The following LSAMP variants were observed in gnomAD, a reference collection of about 807,000 sequenced individuals.
LSAMP encodes the protein limbic system associated membrane protein.
LSAMP carries 7 observed loss-of-function variants against 38.6 expected under a neutral mutation model. The ratio of observed to expected loss-of-function variants is 0.18; its 90% CI spans 0.10 to 0.34. The LOEUF (loss-of-function observed/expected upper bound fraction) is 0.34. LSAMP is among the 10% of genes least tolerant of loss of function. The probability of loss-of-function intolerance (pLI) is 1.00; values close to 1 mark genes in which losing one functional copy is unlikely to be tolerated. For synonymous variants in LSAMP, 154 were observed against 166.8 expected (o/e 0.92, Z 0.59); for missense variants, 313 against 420.0 (o/e 0.75, Z 2.23).
At position 115,806,048 on chromosome 3, in the gene LSAMP, G is replaced by T. The variant is rs1933622663; in HGVS notation, c.*4269C>A. ...TACATTTCTCTTAAAAAATGATATT[G>T]GTAACCAAGACTAAATGCAGGCTAA... On this transcript the variant is annotated 3_prime_UTR_variant, in exon 7 of 7. Transcript: ENST00000490035. The T allele has an allele frequency of 6.6e-6, 1 of 152,008 alleles. No individual in the cohort carries two copies. Among genetic ancestry groups the T allele is most frequent in the African/African-American group, 2.4e-5 (1 of 41,380 alleles). The allele number at this position is 152,008 out of a possible 1,614,324, so 9.4% of individuals were successfully genotyped here.
At chr3:116,144,578 T>G (rs1417060378) in intron 1 of LSAMP, among the ~76,000 whole-genome samples, 1 of 148,384 alleles carries the variant, frequency 6.7e-6, no homozygotes, top group Non-Finnish European at 1.5e-5. Context: ...TTTTTTTTTG[T>G]ATTCTGCATC....
chr3:116,100,583 C>T lies in LSAMP; in HGVS notation c.156-14027G>A, dbSNP rs150934402. On this transcript the variant is annotated intron_variant, in intron 1 of 6. Transcript: ENST00000490035. ...TTGTCATTTGTTACCAGCATCACTACGTAGATTTCCAACTGGTGTTTTGGT... is the reference window on the plus strand; with the variant it reads ...TTGTCATTTGTTACCAGCATCACTATGTAGATTTCCAACTGGTGTTTTGGT... Among the ~76,000 whole-genome samples the T allele has an allele frequency of 2.9e-3, 448 of 152,290 alleles. 2 individuals are homozygous for T. Among genetic ancestry groups the T allele is most frequent in the Middle Eastern group, 0.01 (3 of 294 alleles).
intron 1 of LSAMP, among the ~76,000 whole-genome samples, chr3:116,154,584 T>A (rs564691765): frequency 6.6e-6 from 1 of 152,154 alleles, no homozygotes; most frequent in African/African-American, 2.4e-5. Flanking sequence ...CTAAATTCTT[T>A]AGCCTCACCT....
chr3:116,086,286 C>T (rs765180530), intron 2 of LSAMP, 38 bp downstream of exon 2: 28 of 1,502,666 alleles, frequency 1.9e-5, no homozygotes, highest in Non-Finnish European at 2.5e-5. Context: ...CAACTCCCAC[C>T]TCTTTCTTAC....
intron 1 of LSAMP, among the ~76,000 whole-genome samples, chr3:116,248,477 ATGTGTGTG>A (rs3028670): frequency 0.48 from 67,012 of 141,002 alleles, 18,393 homozygotes; most frequent in Non-Finnish European, 0.59. Flanking sequence ...CCTGTCTCTA[ATGTGTGTG>A]TGTGTGTGTG....
At chr3:116,215,276 G>A (rs1013817184) in intron 1 of LSAMP, among the ~76,000 whole-genome samples, 2 of 152,150 alleles carry the variant, frequency 1.3e-5, no homozygotes, top group African/African-American at 4.8e-5. Context: ...AATCTTAGCT[G>A]GTCTTTGGTC....
At chr3:116,109,532 C>T (rs957792951) in intron 1 of LSAMP, among the ~76,000 whole-genome samples, 9 of 152,042 alleles carry the variant, frequency 5.9e-5, no homozygotes, top group East Asian at 1.9e-4. Context: ...AATGCCTGGA[C>T]GTCAGGCACC....
At chr3:116,210,085 A>G (rs549376151) in intron 1 of LSAMP, among the ~76,000 whole-genome samples, 4 of 152,264 alleles carry the variant, frequency 2.6e-5, no homozygotes, top group East Asian at 3.9e-4. Context: ...TGTTCATTCA[A>G]TAGGAACCTG....
At chr3:116,223,436 G>C (rs73858567) in intron 1 of LSAMP, among the ~76,000 whole-genome samples, 1 of 152,040 alleles carries the variant, frequency 6.6e-6, no homozygotes, top group Non-Finnish European at 1.5e-5. Flanking sequence ...GTCCAAAATT[G>C]GGAGATAAAT....
chr3:115,900,757 C>A (rs1037325613), intron 3 of LSAMP, among the ~76,000 whole-genome samples: 1 of 152,092 alleles, frequency 6.6e-6, no homozygotes. Flanking sequence ...AGTGAAAGAA[C>A]AATGGTTAAA....
chr3:116,200,093 TACACACACACACACACACACAC>T (rs36216707), intron 1 of LSAMP, among the ~76,000 whole-genome samples: 6 of 149,262 alleles, frequency 4.0e-5, no homozygotes, highest in Non-Finnish European at 4.5e-5. Flanking sequence ...AGTCTTACTT[TACACACACACACACACACACAC>T]ACACACACAC....
At chr3:116,392,207 T>C (rs1428428173) in intron 1 of LSAMP, among the ~76,000 whole-genome samples, 2 of 152,170 alleles carry the variant, frequency 1.3e-5, no homozygotes, top group African/African-American at 4.8e-5. Flanking sequence ...CTGCCCATTT[T>C]GAGTTGGTGG....
intron 1 of LSAMP, among the ~76,000 whole-genome samples, chr3:116,405,752 T>C (rs2048890272): frequency 6.6e-6 from 1 of 152,108 alleles, no homozygotes; most frequent in African/African-American, 2.4e-5. Flanking sequence ...TTTTTGCAGA[T>C]GCTGATATGG....
chr3:116,026,386 T>C (rs1940793180), intron 2 of LSAMP, among the ~76,000 whole-genome samples: 1 of 152,222 alleles, frequency 6.6e-6, no homozygotes, highest in African/African-American at 2.4e-5. Context: ...CTTCTTCTTT[T>C]TGTGTAAGAC....
chr3:116,268,309 A>C (rs1209130986), intron 1 of LSAMP, among the ~76,000 whole-genome samples: 2 of 152,104 alleles, frequency 1.3e-5, no homozygotes, highest in East Asian at 1.9e-4. Flanking sequence ...TGTACACCAC[A>C]AATGCTCCTC....
intron 1 of LSAMP, among the ~76,000 whole-genome samples, chr3:116,242,012 GACTTA>G (rs67033513): frequency 0.71 from 107,854 of 151,452 alleles, 40,037 homozygotes; most frequent in South Asian, 0.84. Flanking sequence ...TTTCTTTTTA[GACTTA>G]ACTTAATCAG....
chr3:115,825,907 T>C (rs1312185693), intron 6 of LSAMP, among the ~76,000 whole-genome samples: 1 of 152,186 alleles, frequency 6.6e-6, no homozygotes, highest in Non-Finnish European at 1.5e-5. Flanking sequence ...CACTGGTTTA[T>C]CATGTTTATT....
At chr3:116,279,978 G>A (rs1304896341) in intron 1 of LSAMP, among the ~76,000 whole-genome samples, 1 of 152,024 alleles carries the variant, frequency 6.6e-6, no homozygotes, top group Non-Finnish European at 1.5e-5. Flanking sequence ...AAAAATCCGA[G>A]TTGGGCCAAA....
chr3:116,397,334 G>A (rs543214997), intron 1 of LSAMP, among the ~76,000 whole-genome samples: 2 of 151,506 alleles, frequency 1.3e-5, no homozygotes, highest in East Asian at 1.9e-4. Flanking sequence ...TTCACTTGCT[G>A]TTCTTTCAAC....
Sources: gnomAD v4.1 joint callset for allele counts (sites outside exome capture counted in the v4.1 genomes callset) on GRCh38, gnomAD v4.1.1 for gene constraint, MANE v1.5 for transcripts, NCBI Gene and HGNC (gene_info 2026-07-23, HGNC 2026-07-21) for gene names.